Variants in RBFOX1 observed in about 807,000 individuals in gnomAD.
The protein encoded by RBFOX1 is RNA binding protein fox-1 homolog 1.
In RBFOX1, 8 loss-of-function variants were observed where a neutral mutation model predicts 57.7. The ratio of observed to expected loss-of-function variants is 0.14; its 90% CI spans 0.08 to 0.25. The LOEUF is 0.25. Ranked by LOEUF, RBFOX1 falls within the 10% of genes least tolerant of loss-of-function variation. The pLI, the probability that RBFOX1 is intolerant of heterozygous loss-of-function variation, is 1.00. For synonymous variants in RBFOX1, 326 were observed against 222.4 expected (o/e 1.47, Z -4.15); for missense variants, 611 against 548.5 (o/e 1.11, Z -1.14).
chr16:7,697,700 C>A (rs2079230050), intron 14 of RBFOX1, among the ~76,000 whole-genome samples: 1 of 152,166 alleles, frequency 6.6e-6, no homozygotes, highest in Non-Finnish European at 1.5e-5. Flanking sequence ...CAAAACCCTT[C>A]CCCTGGGTCA....
chr16:6,306,679 C>G (rs767188267), intron 1 of RBFOX1, among the ~76,000 whole-genome samples: 2 of 152,184 alleles, frequency 1.3e-5, no homozygotes, highest in Non-Finnish European at 2.9e-5. Flanking sequence ...GCATTTTCAT[C>G]TCCCAAACAA....
At chr16:6,531,645 G>A (rs1030888599) in intron 2 of RBFOX1, among the ~76,000 whole-genome samples, 1 of 152,226 alleles carries the variant, frequency 6.6e-6, no homozygotes, top group East Asian at 1.9e-4. Context: ...CCCATTCTCG[G>A]AGCATATGTT....
chr16:7,179,333 T>A (rs552276981), intron 4 of RBFOX1, among the ~76,000 whole-genome samples: 1 of 152,154 alleles, frequency 6.6e-6, no homozygotes, highest in Non-Finnish European at 1.5e-5. Context: ...AAGCACCGCT[T>A]TCCCCTTACC....
chr16:6,613,492 T>C (rs1244274448), intron 2 of RBFOX1, among the ~76,000 whole-genome samples: 4 of 152,076 alleles, frequency 2.6e-5, no homozygotes, highest in Admixed American at 2.0e-4. Context: ...CAGTTAAGCA[T>C]ATAGATTAGC....
intron 4 of RBFOX1, among the ~76,000 whole-genome samples, chr16:7,122,362 G>C (rs2067376639): frequency 1.3e-5 from 2 of 152,070 alleles, no homozygotes; most frequent in South Asian, 4.1e-4. Flanking sequence ...ACTTCACTTA[G>C]AGTATATTCA....
At chr16:7,277,247 T>C (rs566169473) in intron 4 of RBFOX1, among the ~76,000 whole-genome samples, 2 of 152,330 alleles carry the variant, frequency 1.3e-5, no homozygotes, top group Non-Finnish European at 2.9e-5. Flanking sequence ...TTGGTTATTA[T>C]CAAAGATGAG....
chr16:7,472,354 A>G (rs1047977776), intron 4 of RBFOX1, among the ~76,000 whole-genome samples: 2 of 151,884 alleles, frequency 1.3e-5, no homozygotes, highest in African/African-American at 2.4e-5. Context: ...CAACAACATA[A>G]ACTTTCCATT....
At chr16:6,567,157 C>A (rs983642816) in intron 2 of RBFOX1, among the ~76,000 whole-genome samples, 12 of 152,074 alleles carry the variant, frequency 7.9e-5, no homozygotes, top group African/African-American at 2.4e-4. Flanking sequence ...TAATGTTGAC[C>A]CAGTCTTGGC....
chr16:7,017,372 C>G (rs2093969199), intron 3 of RBFOX1, among the ~76,000 whole-genome samples: 2 of 152,166 alleles, frequency 1.3e-5, no homozygotes, highest in African/African-American at 4.8e-5. Flanking sequence ...GCTAACGGAG[C>G]TGAAATTTAT....
intron 3 of RBFOX1, among the ~76,000 whole-genome samples, chr16:6,754,860 C>A (rs529269722): frequency 6.6e-6 from 1 of 152,180 alleles, no homozygotes; most frequent in African/African-American, 2.4e-5. Flanking sequence ...CCCTCTCCCC[C>A]CACCCCACAA....
chr16:6,526,829 C>CAAAAAAAAAAAAAAAAAAAAAAAA (rs541468859), intron 2 of RBFOX1, among the ~76,000 whole-genome samples: 3 of 32,892 alleles, frequency 9.1e-5, no homozygotes, highest in African/African-American at 3.2e-4. Flanking sequence ...GACTCTGTCT[C>CAAAAAAAAAAAAAAAAAAAAAAAA]AAAAAAAAAA....
chr16:5,286,785 T>C (rs1030403626), intron 1 of RBFOX1, among the ~76,000 whole-genome samples: 1 of 152,198 alleles, frequency 6.6e-6, no homozygotes, highest in African/African-American at 2.4e-5. Context: ...GAAGCAGTGG[T>C]ACCATCGTAG....
At chr16:6,755,653 A>T (rs1181081837) in intron 3 of RBFOX1, among the ~76,000 whole-genome samples, 1 of 152,190 alleles carries the variant, frequency 6.6e-6, no homozygotes, top group African/African-American at 2.4e-5. Flanking sequence ...GAACTTTAGT[A>T]AAAACAACTT....
chr16:7,293,649 T>G (rs959340689), intron 4 of RBFOX1, among the ~76,000 whole-genome samples: 6 of 152,188 alleles, frequency 3.9e-5, no homozygotes, highest in African/African-American at 9.7e-5. Flanking sequence ...ATTTGGGGAC[T>G]AAAACTTGGA....
intron 4 of RBFOX1, among the ~76,000 whole-genome samples, chr16:7,189,024 G>C (rs2084641160): frequency 6.6e-6 from 1 of 152,112 alleles, no homozygotes; most frequent in Admixed American, 6.5e-5. Context: ...AAGACCTTAA[G>C]GCATTTGGAG....
At chr16:5,789,801 CCTT>C (rs2054627580) in intron 3 of RBFOX1, among the ~76,000 whole-genome samples, 1 of 152,192 alleles carries the variant, frequency 6.6e-6, no homozygotes, top group South Asian at 2.1e-4. Context: ...CAAGATGTCT[CCTT>C]CTAACCGCCA....
chr16:5,850,804 G>C (rs938155384), intron 3 of RBFOX1, among the ~76,000 whole-genome samples: 1 of 152,184 alleles, frequency 6.6e-6, no homozygotes, highest in African/African-American at 2.4e-5. Context: ...ATCTCGAAAG[G>C]GCCCCGGGCC....
chr16:7,684,383 TAGA>T (rs1346975651), intron 14 of RBFOX1, among the ~76,000 whole-genome samples: 1 of 152,090 alleles, frequency 6.6e-6, no homozygotes, highest in Non-Finnish European at 1.5e-5. Flanking sequence ...CTAGGGAGAA[TAGA>T]AGGAGTAACT....
intron 3 of RBFOX1, among the ~76,000 whole-genome samples, chr16:5,702,489 C>T (rs758207109): frequency 6.6e-6 from 1 of 152,182 alleles, no homozygotes; most frequent in East Asian, 1.9e-4. Flanking sequence ...ATTAGCTAGG[C>T]CAGCGAGGAA....
Sources: allele counts gnomAD v4.1 joint callset (sites outside exome capture counted in the v4.1 genomes callset), GRCh38; gene constraint gnomAD v4.1.1; transcripts MANE v1.5; gene names NCBI Gene and HGNC (gene_info 2026-07-23, HGNC 2026-07-21).